The following TTC34 variants were observed in gnomAD, a reference collection of about 807,000 sequenced individuals.
TTC34 encodes tetratricopeptide repeat protein 34.
A neutral mutation model predicts 40.7 loss-of-function variants in TTC34; 44 were observed. The observed-to-expected ratio is 1.08, with a 90% CI of 0.85 to 1.39. TTC34 has a LOEUF of 1.39. TTC34 is among the 40% of genes most tolerant of loss of function. The pLI is 0.00. For synonymous variants in TTC34, 422 were observed against 398.6 expected (o/e 1.06, Z -0.70); for missense variants, 884 against 838.0 (o/e 1.05, Z -0.68).
At chr1:2,657,472 C>T (rs564522464) in intron 6 of TTC34, among the ~76,000 whole-genome samples, 3 of 92,700 alleles carry the variant, frequency 3.2e-5, no homozygotes, top group African/African-American at 6.6e-5. Context: ...CCCAGGCGAG[C>T]ATCTGACCGA....
chr1:2,699,199 C>T (rs199595428), intron 6 of TTC34, among the ~76,000 whole-genome samples: 55 of 140,372 alleles, frequency 3.9e-4, no homozygotes, highest in Non-Finnish European at 4.9e-4. Flanking sequence ...CAACCTGGAG[C>T]AGCACCCACA....
intron 4 of TTC34, among the ~76,000 whole-genome samples, chr1:2,786,474 C>T (rs1167830995): frequency 2.0e-5 from 3 of 152,170 alleles, no homozygotes; most frequent in African/African-American, 4.8e-5. Flanking sequence ...GGAGGGGAGT[C>T]GTGAGCCCGC....
At chr1:2,750,321 C>T (rs1267222227) in intron 6 of TTC34, among the ~76,000 whole-genome samples, 1 of 75,850 alleles carries the variant, frequency 1.3e-5, no homozygotes, top group Non-Finnish European at 2.2e-5. Flanking sequence ...ACTGCACCCC[C>T]ATGCCCAGGT....
intron 6 of TTC34, among the ~76,000 whole-genome samples, chr1:2,777,666 C>T (rs1569925196): frequency 7.9e-6 from 1 of 126,848 alleles, no homozygotes. Context: ...TGCCTCCTCT[C>T]AGGGTGAAGA....
chr1:2,762,176 G>T (rs1375777710), intron 6 of TTC34, among the ~76,000 whole-genome samples: 3 of 60,566 alleles, frequency 5.0e-5, no homozygotes, highest in Non-Finnish European at 8.6e-5. Flanking sequence ...CACACCCCCA[G>T]GTGAGCATGT....
chr1:2,649,196 G>A (rs1217786315), intron 6 of TTC34, among the ~76,000 whole-genome samples: 2 of 151,478 alleles, frequency 1.3e-5, no homozygotes, highest in African/African-American at 4.9e-5. Flanking sequence ...GCCTAGAACA[G>A]CATTCTCCAA....
chr1:2,753,011 T>A (rs1294138582), intron 6 of TTC34, among the ~76,000 whole-genome samples: 2 of 91,132 alleles, frequency 2.2e-5, no homozygotes, highest in African/African-American at 9.5e-5. Flanking sequence ...AATGGCATCC[T>A]CACCTCCAGG....
chr1:2,687,827 G>T (rs1368471486), intron 6 of TTC34, among the ~76,000 whole-genome samples: 1 of 150,604 alleles, frequency 6.6e-6, no homozygotes. Context: ...GCATCTGATG[G>T]TCTGGAGCAT....
rs1643710690 is a variant in TTC34, at chr1:2,796,449, A to G, written c.784+3595T>C. ...GTGACTTGGGTCTAATGGATGCACA[A>G]TTCTTAGGGCAGGTGTTCCCTGTAC... On this transcript the variant is annotated intron_variant, in intron 2 of 8. Coordinates refer to ENST00000401095, the Ensembl canonical transcript of TTC34. The surrounding 1 kb of genome is among the most constrained non-coding windows in gnomAD (Gnocchi z 4.5). Among the ~76,000 whole-genome samples the G allele has an allele frequency of 6.6e-6, 1 of 152,270 alleles. No homozygotes were observed. Among genetic ancestry groups the G allele is most frequent in the East Asian group, 1.9e-4 (1 of 5,180 alleles).
In TTC34 at chr1:2,751,366, C is replaced by A. The variant is rs1421109608; in HGVS notation, c.2226+32243G>T. ...CTGACAGCCTGGGTCGGCACCCACA[C>A]CCCCAGGTGCGCATCTGATGGTCTG... On this transcript the variant is annotated intron_variant, in intron 6 of 8. Coordinates refer to ENST00000401095, the Ensembl canonical transcript of TTC34. 8.8e-3 allele frequency among the ~76,000 whole-genome samples: 1,008 copies of A among 115,044 alleles called. 1 individual carries two copies. The highest frequency in any genetic ancestry group is 0.013 in the African/African-American group (313 of 23,582). 75.5% of individuals were successfully genotyped at this position (115,044 alleles called of 152,430 possible).
intron 6 of TTC34, among the ~76,000 whole-genome samples, chr1:2,780,352 G>A (rs965932375): frequency 6.6e-6 from 1 of 152,104 alleles, no homozygotes; most frequent in African/African-American, 2.4e-5. Context: ...TTGTAGCCCA[G>A]AAGTCATTGT....
At chr1:2,784,738 A>T (rs1332703182) in intron 5 of TTC34, among the ~76,000 whole-genome samples, 4 of 152,252 alleles carry the variant, frequency 2.6e-5, no homozygotes, top group African/African-American at 9.6e-5. Flanking sequence ...TTAAAAGCTA[A>T]TGATTAATAA....
chr1:2,646,418 T>G (rs370957513), intron 6 of TTC34, among the ~76,000 whole-genome samples: 1 of 152,216 alleles, frequency 6.6e-6, no homozygotes, highest in African/African-American at 2.4e-5. Context: ...AGGGTCTCTG[T>G]CTGTTGCCCA....
exon 9 of TTC34, chr1:2,639,121 C>T (rs1324108579): frequency 1.3e-5 from 2 of 152,254 alleles, no homozygotes; most frequent in Non-Finnish European, 2.9e-5. Context: ...CCAAAAGCCC[C>T]ACTTCTGATA....
chr1:2,767,817 G>A (rs1417371818), intron 6 of TTC34, among the ~76,000 whole-genome samples: 1 of 150,606 alleles, frequency 6.6e-6, no homozygotes, highest in Non-Finnish European at 1.5e-5. Flanking sequence ...TCCCAGGTGA[G>A]CATCTGACAG....
chr1:2,753,923 G>C (rs1641414251), intron 6 of TTC34, among the ~76,000 whole-genome samples: 1 of 53,510 alleles, frequency 1.9e-5, no homozygotes, highest in Non-Finnish European at 3.0e-5. Flanking sequence ...TGACACCATG[G>C]AGCAGCACCC....
chr1:2,761,089 G>T lies in TTC34; in HGVS notation c.2226+22520C>A, dbSNP rs1274698009. Among the ~76,000 whole-genome samples the T allele has an allele frequency of 1.1e-4, 7 of 65,644 alleles. 3 individuals are homozygous for T. The highest frequency in any genetic ancestry group is 1.8e-4 in the Non-Finnish European group (7 of 38,892). The allele number at this position is 65,644 out of a possible 152,430, so 43.1% of individuals were successfully genotyped here. On this transcript the variant is annotated intron_variant, in intron 6 of 8. Transcript: ENST00000401095. ...GCGTGGAGCAGCATCCTCACCCCAG[G>T]TGAGCATCGGACATCCTGGAGCATC...
intron 6 of TTC34, among the ~76,000 whole-genome samples, chr1:2,682,123 G>C (rs1640108627): frequency 6.8e-6 from 1 of 146,632 alleles, no homozygotes; most frequent in African/African-American, 2.5e-5. Context: ...GTGAGCATCT[G>C]ACAGCCTGGA....
intron 6 of TTC34, among the ~76,000 whole-genome samples, chr1:2,751,769 C>T (rs1368095778): frequency 1.8e-5 from 1 of 54,524 alleles, no homozygotes; most frequent in Non-Finnish European, 3.7e-5. Context: ...CACCCCACAC[C>T]CACAGGTGAG....
Sources: gnomAD v4.1 joint callset for allele counts (sites outside exome capture counted in the v4.1 genomes callset) on GRCh38, gnomAD v4.1.1 for gene constraint, Gnocchi (gnomAD v3.1) non-coding constraint, MANE v1.5 for transcripts, NCBI Gene and HGNC (gene_info 2026-07-23, HGNC 2026-07-21) for gene names.